The following TFEC variants were observed in gnomAD, a reference collection of about 807,000 sequenced individuals.
The protein encoded by TFEC is class E basic helix-loop-helix protein 34.
Under a neutral mutation model 41.6 loss-of-function variants are expected in TFEC, and 31 were observed. The observed-to-expected ratio is 0.74, with a 90% confidence interval of 0.56 to 1.01. TFEC has a LOEUF of 1.01. Among genes scored for constraint, TFEC ranks in the 50% least tolerant of loss-of-function variants. The probability of loss-of-function intolerance (pLI) is 0.00; values close to 1 mark genes in which losing one functional copy is unlikely to be tolerated. For missense variants in TFEC, 402 were observed against 404.1 expected (o/e 0.99, Z 0.04); for synonymous variants, 143 against 140.6 (o/e 1.02, Z -0.12).
At chr7:115,993,301 CAG>C (rs1794209931) in intron 1 of TFEC, among the ~76,000 whole-genome samples, 1 of 152,142 alleles carries the variant, frequency 6.6e-6, no homozygotes, top group Admixed American at 6.5e-5. Flanking sequence ...TGGCACAAGA[CAG>C]AGATGCCCTC....
upstream of TFEC, among the ~76,000 whole-genome samples, chr7:116,031,499 A>G (rs1795781486): frequency 3.9e-5 from 6 of 152,256 alleles, no homozygotes; most frequent in Admixed American, 3.9e-4. Context: ...GAAAGGTACA[A>G]CTTTGTTCCC....
chr7:115,974,118 A>C, intron 3 of TFEC, 52 bp downstream of exon 3: 1 of 1,400,360 alleles, frequency 7.1e-7, no homozygotes. Context: ...TTTTATTATC[A>C]GAGTGTATTC....
At position 115,936,978 on chromosome 7, in the gene TFEC, T is replaced by C. The variant is rs1264929880; in HGVS notation, c.*3573A>G. Reference sequence around the variant, plus strand: ...CTGTACATATATTCTCCATTTGATATAGGAAAAATTCAAGAAGAAAAGGCA... The same window carrying C: ...CTGTACATATATTCTCCATTTGATACAGGAAAAATTCAAGAAGAAAAGGCA... On this transcript the variant is annotated 3_prime_UTR_variant, in exon 8 of 8. Transcript: ENST00000265440. 6.6e-6 allele frequency: 1 copy of C among 151,460 alleles called. No individual in the cohort carries two copies. Among genetic ancestry groups the C allele is most frequent in the Non-Finnish European group, 1.5e-5 (1 of 67,622 alleles). 9.4% of individuals were successfully genotyped at this position (151,460 alleles called of 1,614,324 possible). A position where few individuals can be genotyped will look rare whatever the true frequency, so the allele number is the denominator to read the frequency against.
rs1050267049 is a variant in TFEC at position 115,938,810 on chromosome 7, T to A, written c.*1741A>T. 6 of 152,062 alleles carry A rather than the reference T, an allele frequency of 3.9e-5. No homozygotes were observed. The East Asian group carries it at 1.2e-3, about 30-fold the overall frequency. 9.4% of individuals were successfully genotyped at this position (152,062 alleles called of 1,614,324 possible). On this transcript the variant is annotated 3_prime_UTR_variant, in exon 8 of 8. Transcript: ENST00000265440. ...CCCTGCTACTAAAAAGATTTGTTTCTATTATATTAATACTATATTATTTCA... is the reference window on the plus strand; with the variant it reads ...CCCTGCTACTAAAAAGATTTGTTTCAATTATATTAATACTATATTATTTCA...
chr7:116,112,416 G>A (rs968872088), intron 1 of TFEC, among the ~76,000 whole-genome samples: 2 of 151,896 alleles, frequency 1.3e-5, no homozygotes, highest in African/African-American at 4.8e-5. Flanking sequence ...TAGAATATAA[G>A]CTCCTCAGGG....
intron 3 of TFEC, among the ~76,000 whole-genome samples, chr7:116,100,313 A>T (rs1212649821): frequency 6.6e-6 from 1 of 152,222 alleles, no homozygotes; most frequent in Non-Finnish European, 1.5e-5. Context: ...TAAAATGTTC[A>T]TCTGTCACTG....
intron 3 of TFEC, among the ~76,000 whole-genome samples, chr7:116,110,173 T>C (rs573154934): frequency 1.6e-3 from 247 of 152,280 alleles, no homozygotes; most frequent in Non-Finnish European, 2.5e-3. Context: ...CATGTATACA[T>C]ATGTAACAAA....
At position 115,987,430 on chromosome 7, in the gene TFEC, T is replaced by C. The variant is rs118161951; in HGVS notation, c.-72-2917A>G. Among the ~76,000 whole-genome samples the C allele has an allele frequency of 2.4e-3, 372 of 152,330 alleles. 11 individuals are homozygous for C. The East Asian group carries it at 0.066, about 27-fold the overall frequency. Reference sequence around the variant, plus strand: ...CATAAAATTATCTTGTGAATTTCTCTAACTGGATGTGCCAATATTTTGTGG... The same window carrying C: ...CATAAAATTATCTTGTGAATTTCTCCAACTGGATGTGCCAATATTTTGTGG... On this transcript the variant is annotated intron_variant, in intron 1 of 7. Coordinates refer to ENST00000265440, the MANE Select transcript of TFEC (RefSeq NM_012252.4).
At chr7:115,964,908 G>A (rs1175661442) in intron 3 of TFEC, among the ~76,000 whole-genome samples, 3 of 151,492 alleles carry the variant, frequency 2.0e-5, no homozygotes, top group Admixed American at 6.6e-5. Flanking sequence ...TATATACAAA[G>A]TTAAAAACAA....
At chr7:116,102,797 C>T (rs1308278206) in intron 3 of TFEC, among the ~76,000 whole-genome samples, 1 of 152,144 alleles carries the variant, frequency 6.6e-6, no homozygotes, top group African/African-American at 2.4e-5. Context: ...GAAGTGGCAT[C>T]TATGTAGAAG....
intron 3 of TFEC, among the ~76,000 whole-genome samples, chr7:115,971,322 T>C (rs542948603): frequency 1.3e-5 from 2 of 152,130 alleles, no homozygotes; most frequent in South Asian, 2.1e-4. Context: ...TTAGGATGCA[T>C]TTGTTTTTGA....
intron 7 of TFEC, chr7:115,941,167 GT>G: frequency 2.4e-6 from 1 of 424,648 alleles, no homozygotes; most frequent in Non-Finnish European, 4.2e-6. Flanking sequence ...TTCTACAAAG[GT>G]TATGACTGAT....
At chr7:116,148,346 G>T (rs1336583182) in intron 1 of TFEC, among the ~76,000 whole-genome samples, 1 of 152,144 alleles carries the variant, frequency 6.6e-6, no homozygotes, top group African/African-American at 2.4e-5. Flanking sequence ...CTATGGGTGG[G>T]GTGAAGGGTG....
intron 6 of TFEC, among the ~76,000 whole-genome samples, chr7:115,947,964 G>GA (rs1791697843): frequency 6.6e-6 from 1 of 151,610 alleles, no homozygotes; most frequent in Admixed American, 6.6e-5. Flanking sequence ...GACTAATAAA[G>GA]AAAAAAAGAG....
chr7:116,046,174 G>A (rs1278995368), intron 3 of TFEC, among the ~76,000 whole-genome samples: 1 of 152,104 alleles, frequency 6.6e-6, no homozygotes, highest in African/African-American at 2.4e-5. Context: ...TAAGAGTTTG[G>A]GGGACTGCTG....
At chr7:116,117,172 C>T (rs1436175828) in intron 1 of TFEC, among the ~76,000 whole-genome samples, 1 of 151,768 alleles carries the variant, frequency 6.6e-6, no homozygotes, top group Non-Finnish European at 1.5e-5. Context: ...AGGTCGCCTA[C>T]CTACTTCTCA....
At chr7:115,950,217 G>A (rs1791859837) in intron 6 of TFEC, among the ~76,000 whole-genome samples, 1 of 151,932 alleles carries the variant, frequency 6.6e-6, no homozygotes, top group Non-Finnish European at 1.5e-5. Context: ...TCACCATGTT[G>A]GCCAGGATGG....
chr7:116,129,687 G>A (rs1357423976), intron 1 of TFEC, among the ~76,000 whole-genome samples: 1 of 148,442 alleles, frequency 6.7e-6, no homozygotes, highest in African/African-American at 2.5e-5. Context: ...CTGCCTCCCA[G>A]GTTCAAGCAA....
chr7:116,059,515 C>T (rs1458856554), intron 3 of TFEC, among the ~76,000 whole-genome samples: 4 of 151,804 alleles, frequency 2.6e-5, no homozygotes, highest in Admixed American at 2.0e-4. Context: ...TTGCCCTGAA[C>T]CAAAACCAGA....
Sources: gnomAD v4.1 joint callset for allele counts (sites outside exome capture counted in the v4.1 genomes callset) on GRCh38, gnomAD v4.1.1 for gene constraint, MANE v1.5 for transcripts, NCBI Gene and HGNC (gene_info 2026-07-23, HGNC 2026-07-21) for gene names.